Variants in GPHN observed in about 807,000 individuals in gnomAD.
GPHN encodes gephyrin.
In GPHN, 17 loss-of-function variants were observed where a neutral mutation model predicts 95.5. The observed-to-expected ratio is 0.18, with a 90% CI of 0.12 to 0.27. The LOEUF (loss-of-function observed/expected upper bound fraction) is 0.27. GPHN is among the 10% of genes least tolerant of loss of function. GPHN has a pLI of 1.00. For missense variants in GPHN, 660 were observed against 978.1 expected (o/e 0.67, Z 4.34); for synonymous variants, 320 against 322.5 (o/e 0.99, Z 0.08).
chr14:67,098,737 G>A (rs1303966584), intron 12 of GPHN, among the ~76,000 whole-genome samples: 2 of 151,850 alleles, frequency 1.3e-5, no homozygotes, highest in African/African-American at 2.4e-5. Flanking sequence ...CAGGAGAATG[G>A]CTTGAACGCG....
chr14:67,483,994 G>A, the GPHN span, among the ~76,000 whole-genome samples: 3 of 152,160 alleles, frequency 2.0e-5, no homozygotes, highest in Non-Finnish European at 4.4e-5. Context: ...TGCCCTGCAC[G>A]GGGGACTGGC....
chr14:67,710,600 AT>A, the GPHN span, among the ~76,000 whole-genome samples: 8 of 152,042 alleles, frequency 5.3e-5, no homozygotes, highest in Non-Finnish European at 1.2e-4. Context: ...TACAAAAAAA[AT>A]CTTTATTTTT....
At chr14:67,207,727 G>C in the GPHN span, among the ~76,000 whole-genome samples, 9 of 152,116 alleles carry the variant, frequency 5.9e-5, no homozygotes, top group Non-Finnish European at 1.2e-4. Flanking sequence ...AAATTAGGAG[G>C]AGGGGGGGAT....
chr14:67,662,687 C>G, the GPHN span: 8 of 732,304 alleles, frequency 1.1e-5, no homozygotes, highest in Non-Finnish European at 1.7e-5. Context: ...AGGTGGATCA[C>G]AAGGTCAGGA....
chr14:67,720,105 T>C, the GPHN span, among the ~76,000 whole-genome samples: 1 of 152,248 alleles, frequency 6.6e-6, no homozygotes, highest in East Asian at 1.9e-4. Flanking sequence ...CTACAATCTT[T>C]TTGACCTTTG....
chr14:67,191,924 T>C, the GPHN span, among the ~76,000 whole-genome samples: 2 of 152,212 alleles, frequency 1.3e-5, no homozygotes, highest in Non-Finnish European at 2.9e-5. Flanking sequence ...TACAACCTAA[T>C]GTAGCTGTCT....
At chr14:66,607,657 T>C (rs10143301) in intron 1 of GPHN, among the ~76,000 whole-genome samples, 38,295 of 151,820 alleles carry the variant, frequency 0.25, 9,737 homozygotes, top group African/African-American at 0.62. Flanking sequence ...GGTAGGTTTT[T>C]AATTACTGAC....
chr14:67,586,426 G>A, the GPHN span: 1 of 1,329,480 alleles, frequency 7.5e-7, no homozygotes, highest in Non-Finnish European at 9.9e-7. Flanking sequence ...CCTTGCAGCA[G>A]TCCTCAAGGC....
the GPHN span, among the ~76,000 whole-genome samples, chr14:67,709,182 A>C: frequency 2.1e-4 from 32 of 152,338 alleles, no homozygotes; most frequent in South Asian, 6.6e-3. Flanking sequence ...GGTTTAAAAC[A>C]CTTGATATCA....
At chr14:67,308,251 A>G in the GPHN span, among the ~76,000 whole-genome samples, 4 of 150,186 alleles carry the variant, frequency 2.7e-5, no homozygotes, top group Non-Finnish European at 5.9e-5. Context: ...AAAAAAAGTC[A>G]GTGTAAAAAG....
intron 1 of GPHN, among the ~76,000 whole-genome samples, chr14:66,657,198 T>C (rs1045550514): frequency 6.6e-6 from 1 of 152,232 alleles, no homozygotes; most frequent in Non-Finnish European, 1.5e-5. Flanking sequence ...AGCCAAAACC[T>C]AATCCAGGGC....
chr14:66,616,509 G>A (rs762608814), intron 1 of GPHN, among the ~76,000 whole-genome samples: 4 of 151,758 alleles, frequency 2.6e-5, no homozygotes, highest in Non-Finnish European at 1.5e-5. Context: ...GTTCACTTCA[G>A]GCCCTATACA....
chr14:67,382,895 A>ACGTGCGTG, the GPHN span, among the ~76,000 whole-genome samples: 1 of 146,800 alleles, frequency 6.8e-6, no homozygotes, highest in African/African-American at 2.6e-5. Context: ...AAGTGTGTGT[A>ACGTGCGTG]CGTGCGTGCG....
intron 9 of GPHN, among the ~76,000 whole-genome samples, chr14:66,998,513 T>C (rs1299568131): frequency 6.6e-6 from 1 of 152,200 alleles, no homozygotes; most frequent in Non-Finnish European, 1.5e-5. Flanking sequence ...ATATTCTTCT[T>C]AGCTTTCAAT....
At chr14:67,189,972 C>G in the GPHN span, among the ~76,000 whole-genome samples, 1 of 150,236 alleles carries the variant, frequency 6.7e-6, no homozygotes, top group Non-Finnish European at 1.5e-5. Context: ...TCCCGAGTAG[C>G]TGGGATTACA....
At chr14:67,599,587 A>G in the GPHN span, among the ~76,000 whole-genome samples, 1 of 152,332 alleles carries the variant, frequency 6.6e-6, no homozygotes, top group Non-Finnish European at 1.5e-5. Context: ...GGAGGCAAAG[A>G]CAGTTTGTGG....
At chr14:66,579,956 G>A (rs561661041) in intron 1 of GPHN, among the ~76,000 whole-genome samples, 1 of 151,706 alleles carries the variant, frequency 6.6e-6, no homozygotes, top group African/African-American at 2.4e-5. Flanking sequence ...ATTCTCCAGG[G>A]TATACCACGT....
At chr14:67,127,342 G>GTTTTTA (rs1429375489) in intron 17 of GPHN, among the ~76,000 whole-genome samples, 1 of 41,668 alleles carries the variant, frequency 2.4e-5, no homozygotes, top group African/African-American at 9.9e-4. Flanking sequence ...GTTTGTTTGG[G>GTTTTTA]TTTTTGTTTT....
chr14:66,775,759 T>C (rs2059358192), intron 2 of GPHN, among the ~76,000 whole-genome samples: 1 of 152,214 alleles, frequency 6.6e-6, no homozygotes, highest in Non-Finnish European at 1.5e-5. Flanking sequence ...TAAAGCTTAG[T>C]TGCTTTCTAA....
Sources: gnomAD v4.1 joint callset for allele counts (sites outside exome capture counted in the v4.1 genomes callset) on GRCh38, gnomAD v4.1.1 for gene constraint, MANE v1.5 for transcripts, NCBI Gene and HGNC (gene_info 2026-07-23, HGNC 2026-07-21) for gene names.